Variants in PELI1 observed in about 807,000 individuals in gnomAD.
PELI1 encodes pellino E3 ubiquitin protein ligase 1, also known as E3 ubiquitin-protein ligase pellino homolog 1.
PELI1 carries 15 observed loss-of-function variants against 41.3 expected under a neutral mutation model. That is an observed-to-expected ratio of 0.36 (90% CI 0.24 to 0.56). The LOEUF is 0.56. PELI1 is among the 20% of genes least tolerant of loss of function. The pLI is 0.82. For missense variants in PELI1, 403 were observed against 525.5 expected (o/e 0.77, Z 2.28); for synonymous variants, 178 against 180.1 (o/e 0.99, Z 0.09).
chr2:64,100,883 C>G (rs921039055), intron 3 of PELI1, among the ~76,000 whole-genome samples: 1 of 152,162 alleles, frequency 6.6e-6, no homozygotes, highest in Middle Eastern at 3.4e-3. Flanking sequence ...CACGCTGCCA[C>G]GCCTGGCTAA....
intron 1 of PELI1, among the ~76,000 whole-genome samples, chr2:64,136,838 G>A (rs1292443271): frequency 6.6e-6 from 1 of 152,198 alleles, no homozygotes; most frequent in Non-Finnish European, 1.5e-5. Context: ...AGGAGGTGGA[G>A]GTTGCAGTGA....
intron 2 of PELI1, chr2:64,106,137 C>T (rs1680613837): frequency 6.6e-6 from 1 of 152,226 alleles, no homozygotes. Flanking sequence ...TTTGTATTGC[C>T]CCCAGACCCT....
intron 4 of PELI1, among the ~76,000 whole-genome samples, chr2:64,097,097 C>T (rs969491971): frequency 2.6e-5 from 4 of 152,204 alleles, no homozygotes; most frequent in African/African-American, 9.7e-5. Context: ...TCAGGTGCTA[C>T]AAGAGGTATA....
chr2:64,140,848 A>C (rs1039621471), intron 1 of PELI1, among the ~76,000 whole-genome samples: 1 of 149,070 alleles, frequency 6.7e-6, no homozygotes, highest in African/African-American at 2.5e-5. Flanking sequence ...TCATATCCAG[A>C]TCTTTCAATG....
rs538796773 is a variant in PELI1, at chr2:64,094,216, C to T, written c.*486G>A. On this transcript the variant is annotated 3_prime_UTR_variant, in exon 7 of 7. Transcript: ENST00000358912. ...GTTGCTCACTAAGCTACCATTCACACCAAGGGTGTGACACCATCGTTACCA... is the reference window on the plus strand; with the variant it reads ...GTTGCTCACTAAGCTACCATTCACATCAAGGGTGTGACACCATCGTTACCA... 6.5e-6 allele frequency: 1 copy of T among 153,812 alleles called. No homozygotes were observed. The highest frequency in any genetic ancestry group is 2.4e-5 in the African/African-American group (1 of 41,560). The allele number at this position is 153,812 out of a possible 1,614,324, so 9.5% of individuals were successfully genotyped here.
At chr2:64,101,824 ATTTTTTTTTT>A (rs34370706) in intron 3 of PELI1, among the ~76,000 whole-genome samples, 5 of 121,126 alleles carry the variant, frequency 4.1e-5, no homozygotes, top group East Asian at 5.4e-4. Context: ...TTTGCTTCTG[ATTTTTTTTTT>A]TTTTTTTTTT....
intron 1 of PELI1, among the ~76,000 whole-genome samples, chr2:64,132,918 G>A (rs770432443): frequency 6.6e-6 from 1 of 152,082 alleles, no homozygotes; most frequent in Non-Finnish European, 1.5e-5. Context: ...TGATCCTTAG[G>A]TAATTTGTAT....
At chr2:64,099,219 T>C (rs907257922) in intron 4 of PELI1, among the ~76,000 whole-genome samples, 3 of 152,054 alleles carry the variant, frequency 2.0e-5, no homozygotes, top group African/African-American at 7.2e-5. Flanking sequence ...TTTATCTATA[T>C]TTTATTAAAG....
At chr2:64,116,584 T>C (rs1436772507) in intron 1 of PELI1, among the ~76,000 whole-genome samples, 3 of 152,212 alleles carry the variant, frequency 2.0e-5, no homozygotes, top group African/African-American at 4.8e-5. Flanking sequence ...GCACTTTACA[T>C]GTATTAAGTG....
chr2:64,140,166 G>A (rs1007230419), intron 1 of PELI1, among the ~76,000 whole-genome samples: 1 of 152,220 alleles, frequency 6.6e-6, no homozygotes, highest in African/African-American at 2.4e-5. Context: ...CATCCCAAGA[G>A]GCTCATTATA....
intron 1 of PELI1, among the ~76,000 whole-genome samples, chr2:64,114,335 A>G (rs908241637): frequency 1.3e-5 from 2 of 152,198 alleles, no homozygotes; most frequent in African/African-American, 2.4e-5. Context: ...CAGTTTCTTG[A>G]TAAGAGTGAA....
At chr2:64,137,679 G>C (rs1401166842) in intron 1 of PELI1, among the ~76,000 whole-genome samples, 1 of 152,006 alleles carries the variant, frequency 6.6e-6, no homozygotes, top group Non-Finnish European at 1.5e-5. Context: ...TCTCAGACTG[G>C]ATCTGATTTT....
At chr2:64,127,261 G>A (rs1229419006) in intron 1 of PELI1, among the ~76,000 whole-genome samples, 5 of 152,186 alleles carry the variant, frequency 3.3e-5, no homozygotes, top group African/African-American at 7.2e-5. Flanking sequence ...ATTTGAGGCC[G>A]AGCAAGGTGG....
chr2:64,104,633 C>T, intron 3 of PELI1, 68 bp downstream of exon 3: 1 of 1,481,216 alleles, frequency 6.8e-7, no homozygotes, highest in Non-Finnish European at 8.9e-7. Flanking sequence ...CTAGAGAATA[C>T]AAACAACACA....
intron 1 of PELI1, among the ~76,000 whole-genome samples, chr2:64,113,439 C>T (rs143048507): frequency 6.6e-6 from 1 of 152,240 alleles, no homozygotes; most frequent in African/African-American, 2.4e-5. Flanking sequence ...GTATTCAGCC[C>T]TATCCCAATG....
At chr2:64,096,873 G>C (rs1680256967) in intron 4 of PELI1, among the ~76,000 whole-genome samples, 1 of 152,196 alleles carries the variant, frequency 6.6e-6, no homozygotes. Context: ...TTCAGGAACG[G>C]CTGAGATTTC....
rs566572513 is a variant in PELI1, at chr2:64,130,927, A to T, written c.-70+13154T>A. Reference sequence around the variant, plus strand: ...TTTCATACTTTGGGTGTTAAAAAGGAAGAGTAAAACACAATGGGTAACTTA... The same window carrying T: ...TTTCATACTTTGGGTGTTAAAAAGGTAGAGTAAAACACAATGGGTAACTTA... On this transcript the variant is annotated intron_variant, in intron 1 of 6. Coordinates refer to ENST00000358912, the MANE Select transcript of PELI1 (RefSeq NM_020651.4). Among the ~76,000 whole-genome samples the T allele has an allele frequency of 4.9e-4, 74 of 152,284 alleles. 1 individual carries two copies. The South Asian group carries it at 0.015, about 31-fold the overall frequency.
chr2:64,099,165 TACACACACACACACACAC>T (rs70965174), intron 4 of PELI1, among the ~76,000 whole-genome samples: 2 of 144,802 alleles, frequency 1.4e-5, no homozygotes, highest in South Asian at 2.2e-4. Context: ...ATCTTGGAGA[TACACACACACACACACAC>T]ACACACACAC....
chr2:64,101,495 TA>T (rs1374578609), intron 3 of PELI1, among the ~76,000 whole-genome samples: 6 of 152,068 alleles, frequency 3.9e-5, no homozygotes, highest in Non-Finnish European at 8.8e-5. Context: ...GAGTTGAAGA[TA>T]ATATCAAAGG....
Sources: allele counts gnomAD v4.1 joint callset (sites outside exome capture counted in the v4.1 genomes callset), GRCh38; gene constraint gnomAD v4.1.1; transcripts MANE v1.5; gene names NCBI Gene and HGNC (gene_info 2026-07-23, HGNC 2026-07-21).